CTNNA2: variants seen among roughly 807,000 people sequenced by gnomAD.
CTNNA2 encodes catenin alpha 2.
A neutral mutation model predicts 101.0 loss-of-function variants in CTNNA2; 42 were observed. The ratio of observed to expected loss-of-function variants is 0.42; its 90% confidence interval spans 0.32 to 0.54. The LOEUF (loss-of-function observed/expected upper bound fraction) is 0.54, where lower values mean the gene tolerates loss of function less well. CTNNA2 is among the 20% of genes least tolerant of loss of function. CTNNA2 has a pLI of 0.14. For synonymous variants in CTNNA2, 450 were observed against 456.4 expected (o/e 0.99, Z 0.18); for missense variants, 871 against 1,223.1 (o/e 0.71, Z 4.29).
At chr2:80,094,277 G>T (rs1392036108) in intron 7 of CTNNA2, among the ~76,000 whole-genome samples, 3 of 151,906 alleles carry the variant, frequency 2.0e-5, no homozygotes, top group African/African-American at 7.2e-5. Context: ...TTTCCCCATT[G>T]CTTGTTTTTC....
chr2:80,329,714 T>A (rs1671148150), intron 7 of CTNNA2, among the ~76,000 whole-genome samples: 1 of 152,190 alleles, frequency 6.6e-6, no homozygotes, highest in South Asian at 2.1e-4. Flanking sequence ...TTGGAACCTT[T>A]GATGTGGTGA....
intron 7 of CTNNA2, among the ~76,000 whole-genome samples, chr2:80,029,971 G>A (rs1695184736): frequency 6.6e-6 from 1 of 152,014 alleles, no homozygotes; most frequent in Admixed American, 6.6e-5. Flanking sequence ...AATGGGAGGG[G>A]CATAAAAAAG....
At chr2:79,465,339 C>G (rs1416194835) in intron 4 of CTNNA2, among the ~76,000 whole-genome samples, 4 of 152,128 alleles carry the variant, frequency 2.6e-5, no homozygotes, top group African/African-American at 9.7e-5. Flanking sequence ...TTCCATTGAT[C>G]TCTATTTCTG....
rs1480900215 is a variant in CTNNA2, at chr2:79,358,020, T to G, written c.-317-15811T>G. ...TATTTTACTTATTTTTCCATAGGAT[T>G]TCATTATCTTTGAGTCATAATCCTT... On this transcript the variant is annotated intron_variant, in intron 3 of 21. Transcript: ENST00000466387. Among the ~76,000 whole-genome samples, 3 of 152,130 alleles carry G rather than the reference T, an allele frequency of 2.0e-5. No individual in the cohort carries two copies. In the East Asian group the frequency reaches 5.8e-4, roughly 29 times the overall value.
At chr2:80,080,660 A>G (rs1415337208) in intron 7 of CTNNA2, among the ~76,000 whole-genome samples, 1 of 152,120 alleles carries the variant, frequency 6.6e-6, no homozygotes, top group Non-Finnish European at 1.5e-5. Context: ...CACATATTTT[A>G]TTTGGAGACC....
intron 1 of CTNNA2, among the ~76,000 whole-genome samples, chr2:79,613,415 G>C (rs953787336): frequency 2.0e-5 from 3 of 149,838 alleles, no homozygotes; most frequent in Non-Finnish European, 3.0e-5. Flanking sequence ...TCTACTACTT[G>C]TCATCAAGAA....
chr2:79,486,615 C>G lies in CTNNA2; in HGVS notation c.-134-18439C>G, dbSNP rs532338029. Among the ~76,000 whole-genome samples the G allele has an allele frequency of 1.5e-4, 23 of 152,178 alleles. No individual in the cohort carries two copies. In the East Asian group the frequency reaches 2.5e-3, roughly 17 times the overall value. On this transcript the variant is annotated intron_variant, in intron 4 of 21. Coordinates refer to the CTNNA2 transcript ENST00000466387. ...AGTAATGGGATGGCTGGGTCAAATG[C>G]TATTTCTAGTTCTAGATCCCTGAGG...
intron 2 of CTNNA2, among the ~76,000 whole-genome samples, chr2:79,254,331 G>T (rs1173221359): frequency 6.6e-6 from 1 of 152,156 alleles, no homozygotes; most frequent in East Asian, 1.9e-4. Flanking sequence ...GTTGGAGGTG[G>T]GGCTGGTGGG....
chr2:79,545,828 G>A (rs953813657), intron 1 of CTNNA2, among the ~76,000 whole-genome samples: 12 of 152,110 alleles, frequency 7.9e-5, no homozygotes, highest in Non-Finnish European at 1.6e-4. Flanking sequence ...TTAGATAGGA[G>A]CAATACTTAT....
At chr2:79,286,466 C>G (rs1468208900) in intron 2 of CTNNA2, among the ~76,000 whole-genome samples, 4 of 151,876 alleles carry the variant, frequency 2.6e-5, no homozygotes, top group African/African-American at 7.3e-5. Context: ...CAAAATCTCT[C>G]AGCATTTGCT....
intron 7 of CTNNA2, among the ~76,000 whole-genome samples, chr2:80,115,171 G>T (rs992154527): frequency 2.0e-5 from 3 of 152,206 alleles, no homozygotes; most frequent in African/African-American, 7.2e-5. Context: ...TTCATGCTTT[G>T]TGAGCTGCCA....
At chr2:80,159,008 A>G (rs1322522919) in intron 7 of CTNNA2, among the ~76,000 whole-genome samples, 1 of 152,072 alleles carries the variant, frequency 6.6e-6, no homozygotes, top group Non-Finnish European at 1.5e-5. Context: ...CTGGAGATTC[A>G]TGCAGGTTGT....
chr2:80,365,784 T>C (rs546305699), intron 7 of CTNNA2, among the ~76,000 whole-genome samples: 1 of 152,176 alleles, frequency 6.6e-6, no homozygotes, highest in Non-Finnish European at 1.5e-5. Context: ...GATAAAAAGA[T>C]TTTTGCAATC....
intron 2 of CTNNA2, among the ~76,000 whole-genome samples, chr2:79,738,272 AC>A (rs1426053170): frequency 6.6e-6 from 1 of 152,066 alleles, no homozygotes; most frequent in Non-Finnish European, 1.5e-5. Context: ...GAACACTTAC[AC>A]TCTTACCTGT....
intron 9 of CTNNA2, among the ~76,000 whole-genome samples, chr2:80,442,638 C>G (rs1205062597): frequency 6.6e-6 from 1 of 152,212 alleles, no homozygotes; most frequent in Non-Finnish European, 1.5e-5. Context: ...AATATACCGT[C>G]TCTGTCTTTT....
chr2:79,399,213 A>C (rs34589143), intron 4 of CTNNA2, among the ~76,000 whole-genome samples: 32,605 of 151,988 alleles, frequency 0.21, 3,499 homozygotes, highest in Middle Eastern at 0.31. Context: ...TGAGGATAAG[A>C]GGCTGATTTT....
At chr2:79,682,410 C>CAAAA (rs10674928) in intron 2 of CTNNA2, among the ~76,000 whole-genome samples, 62 of 72,928 alleles carry the variant, frequency 8.5e-4, no homozygotes, top group Admixed American at 1.1e-3. Flanking sequence ...AACTCCATCT[C>CAAAA]AAAAAAAAAA....
At chr2:79,818,030 C>T (rs773409405) in intron 3 of CTNNA2, among the ~76,000 whole-genome samples, 14 of 152,142 alleles carry the variant, frequency 9.2e-5, no homozygotes, top group Non-Finnish European at 1.8e-4. Flanking sequence ...TTTAATAAGC[C>T]TCATTACTTC....
rs988146750 is a variant in CTNNA2 at position 79,209,003 on chromosome 2, G to A, written c.-406+10927G>A. ...AATGGCTGCATGATAATAAATGTAG[G>A]TAGTGAATAACCTTAAAGGATATTC... On this transcript the variant is annotated intron_variant, in intron 2 of 21. Coordinates refer to the CTNNA2 transcript ENST00000466387. 1.1e-4 allele frequency among the ~76,000 whole-genome samples: 17 copies of A among 152,150 alleles called. 1 individual carries two copies. Among genetic ancestry groups the A allele is most frequent in the African/African-American group, 4.1e-4 (17 of 41,512 alleles).
Sources: gnomAD v4.1 joint callset for allele counts (sites outside exome capture counted in the v4.1 genomes callset) on GRCh38, gnomAD v4.1.1 for gene constraint, MANE v1.5 for transcripts, NCBI Gene and HGNC (gene_info 2026-07-23, HGNC 2026-07-21) for gene names.